Variants in CSMD1 observed in about 807,000 individuals in gnomAD.
The protein encoded by CSMD1 is CUB and Sushi multiple domains 1.
CSMD1 carries 213 observed loss-of-function variants against 417.5 expected under a neutral mutation model. The observed-to-expected ratio is 0.51, with a 90% CI of 0.46 to 0.57. CSMD1 has a LOEUF of 0.57. CSMD1 is among the 20% of genes least tolerant of loss of function. The pLI is 0.00. For synonymous variants in CSMD1, 2,862 were observed against 1,736.8 expected, an observed-to-expected ratio of 1.65 and a Z score of -16.11; for missense variants, 6,923 against 4,529.7, an observed-to-expected ratio of 1.53 and a Z score of -15.17.
intron 11 of CSMD1, among the ~76,000 whole-genome samples, chr8:3,471,081 A>C (rs1382206827): frequency 6.6e-6 from 1 of 152,184 alleles, no homozygotes; most frequent in Non-Finnish European, 1.5e-5. Flanking sequence ...TGAGTATTTA[A>C]AGAAACTACC....
At chr8:4,096,115 C>T (rs1347498870) in intron 3 of CSMD1, among the ~76,000 whole-genome samples, 1 of 152,054 alleles carries the variant, frequency 6.6e-6, no homozygotes, top group Non-Finnish European at 1.5e-5. Context: ...GATGGTTCCT[C>T]AAAAACATCC....
At chr8:3,487,025 G>C (rs1327338226) in intron 11 of CSMD1, among the ~76,000 whole-genome samples, 1 of 152,078 alleles carries the variant, frequency 6.6e-6, no homozygotes, top group African/African-American at 2.4e-5. Flanking sequence ...CTCACACACA[G>C]AAGGTGACAC....
chr8:3,044,661 G>A (rs890253631), intron 50 of CSMD1, among the ~76,000 whole-genome samples: 20 of 151,424 alleles, frequency 1.3e-4, no homozygotes, highest in African/African-American at 4.4e-4. Flanking sequence ...TCAAACATCT[G>A]CCTCGGAGAT....
intron 2 of CSMD1, among the ~76,000 whole-genome samples, chr8:4,610,710 G>C (rs1439052864): frequency 6.6e-6 from 1 of 152,168 alleles, no homozygotes; most frequent in Non-Finnish European, 1.5e-5. Context: ...TTTTATGGTT[G>C]TAACAGCTTT....
At chr8:4,463,325 A>G (rs1799955584) in intron 2 of CSMD1, among the ~76,000 whole-genome samples, 2 of 152,298 alleles carry the variant, frequency 1.3e-5, no homozygotes, top group Non-Finnish European at 2.9e-5. Context: ...TCACTTCCCT[A>G]TGGCTGGTGA....
At chr8:3,590,350 T>A (rs1478027460) in intron 8 of CSMD1, among the ~76,000 whole-genome samples, 1 of 152,180 alleles carries the variant, frequency 6.6e-6, no homozygotes, top group African/African-American at 2.4e-5. Flanking sequence ...GCTGTTTCTA[T>A]TAGACCGTTC....
intron 1 of CSMD1, among the ~76,000 whole-genome samples, chr8:4,657,157 C>A (rs1021075055): frequency 2.0e-5 from 3 of 152,154 alleles, no homozygotes; most frequent in Admixed American, 6.5e-5. Flanking sequence ...CTCAGAAACT[C>A]ACACATATGC....
intron 1 of CSMD1, among the ~76,000 whole-genome samples, chr8:4,862,852 T>C (rs1299577545): frequency 6.6e-6 from 1 of 151,796 alleles, no homozygotes; most frequent in Non-Finnish European, 1.5e-5. Context: ...TGACTCCAAG[T>C]CTTAAGATGT....
At chr8:3,566,478 C>A (rs993361788) in intron 10 of CSMD1, among the ~76,000 whole-genome samples, 1 of 152,086 alleles carries the variant, frequency 6.6e-6, no homozygotes, top group Non-Finnish European at 1.5e-5. Flanking sequence ...CCTCCACCAG[C>A]CCCTCCTGGT....
At chr8:3,762,051 A>G (rs1014597923) in intron 5 of CSMD1, among the ~76,000 whole-genome samples, 2 of 152,074 alleles carry the variant, frequency 1.3e-5, no homozygotes, top group South Asian at 2.1e-4. Flanking sequence ...CCTATAGTCA[A>G]TTTTTTAAAT....
chr8:3,104,186 G>C (rs1815962536), intron 46 of CSMD1, among the ~76,000 whole-genome samples: 2 of 152,194 alleles, frequency 1.3e-5, no homozygotes, highest in South Asian at 4.1e-4. Flanking sequence ...CCTTAAAAAT[G>C]TGAAGGTTTG....
At chr8:3,837,456 G>A (rs763751029) in intron 5 of CSMD1, among the ~76,000 whole-genome samples, 4 of 152,084 alleles carry the variant, frequency 2.6e-5, no homozygotes, top group African/African-American at 7.2e-5. Context: ...TAAGAGAAGA[G>A]ATGTCCTCCT....
At chr8:4,931,640 C>T (rs1807258101) in intron 1 of CSMD1, among the ~76,000 whole-genome samples, 1 of 152,112 alleles carries the variant, frequency 6.6e-6, no homozygotes, top group Non-Finnish European at 1.5e-5. Flanking sequence ...CATCTACCTC[C>T]TTTGGAAAAA....
At chr8:4,427,278 G>T (rs1276644370) in intron 2 of CSMD1, among the ~76,000 whole-genome samples, 4 of 152,160 alleles carry the variant, frequency 2.6e-5, no homozygotes, top group African/African-American at 9.7e-5. Flanking sequence ...GAGTTATGTG[G>T]CCTTGGTGAG....
At position 4,293,995 on chromosome 8, in the gene CSMD1, G is replaced by A. The variant is rs1047928118; in HGVS notation, c.415+125958C>T. On this transcript the variant is annotated intron_variant, in intron 3 of 69. Coordinates refer to ENST00000635120, the MANE Select transcript of CSMD1 (RefSeq NM_033225.6). ...GCTTTTTGAACTTACCAAATAGTGT[G>A]TATAAAAAGTTTTAGGATAAGAATC... is the stretch of plus-strand genomic sequence containing the variant. Among the ~76,000 whole-genome samples, 18 of 152,282 alleles carry A rather than the reference G, an allele frequency of 1.2e-4. No individual in the cohort carries two copies. The South Asian group carries it at 2.3e-3, about 19-fold the overall frequency.
At chr8:3,078,347 T>C (rs1179085978) in intron 49 of CSMD1, among the ~76,000 whole-genome samples, 4 of 152,210 alleles carry the variant, frequency 2.6e-5, no homozygotes, top group African/African-American at 7.2e-5. Context: ...GCTCGATGTG[T>C]GCTAAGCATG....
chr8:3,266,321 C>G (rs894351659), intron 26 of CSMD1, among the ~76,000 whole-genome samples: 1 of 151,594 alleles, frequency 6.6e-6, no homozygotes, highest in Non-Finnish European at 1.5e-5. Flanking sequence ...AAGAGAACCA[C>G]CCGGCCGGGC....
At chr8:3,702,765 C>A (rs1800941063) in intron 7 of CSMD1, among the ~76,000 whole-genome samples, 1 of 152,106 alleles carries the variant, frequency 6.6e-6, no homozygotes. Context: ...CTGGGAGGTG[C>A]AGGTTGCAGT....
chr8:3,115,460 C>T (rs889031705), intron 42 of CSMD1, among the ~76,000 whole-genome samples: 8 of 152,144 alleles, frequency 5.3e-5, no homozygotes, highest in Admixed American at 1.3e-4. Flanking sequence ...CCTCGGTCTC[C>T]CAAAGTGTTG....
Sources: allele counts gnomAD v4.1 joint callset (sites outside exome capture counted in the v4.1 genomes callset), GRCh38; gene constraint gnomAD v4.1.1; transcripts MANE v1.5; gene names NCBI Gene and HGNC (gene_info 2026-07-23, HGNC 2026-07-21).